The following FHOD3 variants were observed in gnomAD, a reference collection of about 807,000 sequenced individuals.
FHOD3 encodes the protein FH1/FH2 domain-containing protein 3.
Under a neutral mutation model 173.0 loss-of-function variants are expected in FHOD3, and 90 were observed. The observed-to-expected ratio is 0.52, with a 90% CI of 0.44 to 0.62. The LOEUF (loss-of-function observed/expected upper bound fraction) is 0.62. Ranked by LOEUF, FHOD3 falls within the 20% of genes least tolerant of loss-of-function variation. The probability of loss-of-function intolerance (pLI) is 0.00; values close to 1 mark genes in which losing one functional copy is unlikely to be tolerated. For synonymous variants in FHOD3, 828 were observed against 823.0 expected (o/e 1.01, Z -0.10); for missense variants, 1,945 against 2,034.7 (o/e 0.96, Z 0.85).
chr18:36,545,210 T>A (rs2147189917), intron 5 of FHOD3, among the ~76,000 whole-genome samples: 1 of 152,332 alleles, frequency 6.6e-6, no homozygotes, highest in African/African-American at 2.4e-5. Flanking sequence ...GGGCATACAG[T>A]GGTGAACAAG....
chr18:36,309,970 G>A (rs1266860850), intron 1 of FHOD3, among the ~76,000 whole-genome samples: 2 of 152,304 alleles, frequency 1.3e-5, no homozygotes, highest in Admixed American at 6.5e-5. Context: ...AAATCAGTTG[G>A]TTCATGACCA....
intron 3 of FHOD3, among the ~76,000 whole-genome samples, chr18:36,454,768 C>T (rs878913): frequency 2.0e-5 from 3 of 151,786 alleles, no homozygotes; most frequent in African/African-American, 7.3e-5. Flanking sequence ...GATCCTGGCT[C>T]TTCGGCATGG....
intron 5 of FHOD3, among the ~76,000 whole-genome samples, chr18:36,527,197 C>G (rs1246186326): frequency 6.6e-6 from 1 of 152,128 alleles, no homozygotes; most frequent in African/African-American, 2.4e-5. Flanking sequence ...TGTGCCTGGT[C>G]AACTCGTGGG....
At chr18:36,551,480 ATTAAT>A (rs1568416420) in intron 5 of FHOD3, among the ~76,000 whole-genome samples, 1 of 151,762 alleles carries the variant, frequency 6.6e-6, no homozygotes, top group Non-Finnish European at 1.5e-5. Context: ...TATTTAATTA[ATTAAT>A]TTAATTAATT....
At chr18:36,483,073 C>T (rs1430316013) in intron 3 of FHOD3, among the ~76,000 whole-genome samples, 1 of 152,180 alleles carries the variant, frequency 6.6e-6, no homozygotes, top group African/African-American at 2.4e-5. Flanking sequence ...CAAGGCTCCC[C>T]ATCCTGGCTC....
rs190537813 is a variant in FHOD3, at chr18:36,570,371, A to G, written c.512-6080A>G. 2.9e-3 allele frequency among the ~76,000 whole-genome samples: 435 copies of G among 152,224 alleles called. 2 individuals are homozygous for G. The highest frequency in any genetic ancestry group is 9.9e-3 in the African/African-American group (412 of 41,582). On this transcript the variant is annotated intron_variant, in intron 5 of 28. Transcript: ENST00000590592. ...ATGAAATGATAACCTGACTAGCCCC[A>G]TTACTGTAACTATTAAAGAAATTTA...
chr18:36,770,431 T>C (rs573680209), intron 28 of FHOD3, among the ~76,000 whole-genome samples: 1 of 152,254 alleles, frequency 6.6e-6, no homozygotes, highest in Non-Finnish European at 1.5e-5. Context: ...CCAGTGGTTC[T>C]GCTTGACCCA....
At chr18:36,605,772 A>C (rs117980326) in intron 8 of FHOD3, among the ~76,000 whole-genome samples, 3,219 of 152,342 alleles carry the variant, frequency 0.021, 95 homozygotes, top group Non-Finnish European at 0.024. Flanking sequence ...CAAACAAAAT[A>C]ACAAATTAAA....
In FHOD3 at chr18:36,523,130, C is replaced by T. The variant is rs148642776; in HGVS notation, c.511+10587C>T. Among the ~76,000 whole-genome samples, 342 of 114,518 alleles carry T rather than the reference C, an allele frequency of 3.0e-3. 1 individual carries two copies. The highest frequency in any genetic ancestry group is 4.2e-3 in the Non-Finnish European group (221 of 52,018). 75.1% of individuals were successfully genotyped at this position (114,518 alleles called of 152,430 possible). A position where few individuals can be genotyped will look rare whatever the true frequency, so the allele number is the denominator to read the frequency against. On this transcript the variant is annotated intron_variant, in intron 5 of 28. Transcript: ENST00000590592. ...GCCATCAGTGCTGTCTGGGCCCCAGCGTTCCTTGAAACAACTGCTGGGGCT... is the reference window on the plus strand; with the variant it reads ...GCCATCAGTGCTGTCTGGGCCCCAGTGTTCCTTGAAACAACTGCTGGGGCT...
intron 7 of FHOD3, among the ~76,000 whole-genome samples, chr18:36,596,507 C>T (rs147916949): frequency 2.0e-5 from 3 of 151,984 alleles, no homozygotes; most frequent in Non-Finnish European, 4.4e-5. Flanking sequence ...TTTAGCATTA[C>T]TCAGACCCAC....
intron 9 of FHOD3, among the ~76,000 whole-genome samples, chr18:36,622,155 G>A (rs554459206): frequency 1.8e-4 from 27 of 152,284 alleles, no homozygotes; most frequent in African/African-American, 6.5e-4. Context: ...CAGAGAGTAG[G>A]ATGGCCATTA....
chr18:36,308,911 A>G (rs956637753), intron 1 of FHOD3, among the ~76,000 whole-genome samples: 1 of 152,182 alleles, frequency 6.6e-6, no homozygotes, highest in Non-Finnish European at 1.5e-5. Context: ...TGATTTGTGG[A>G]TGTTATAACT....
chr18:36,648,485 C>T (rs2035835162), intron 10 of FHOD3, among the ~76,000 whole-genome samples: 1 of 152,160 alleles, frequency 6.6e-6, no homozygotes, highest in Non-Finnish European at 1.5e-5. Context: ...ATTGAAACCA[C>T]CCTAAGCAAC....
rs531923917 is a variant in FHOD3, at chr18:36,641,171, G to A, written c.1197-8145G>A. Among the ~76,000 whole-genome samples, 3 of 152,328 alleles carry A rather than the reference G, an allele frequency of 2.0e-5. No homozygotes were observed. The East Asian group carries it at 5.8e-4, about 29-fold the overall frequency. Reference sequence around the variant, plus strand: ...TTATTGGATGTCCCTTGGAGCCAGGGCTCTGGGCAGGGTCTCCTGGAGAAA... The same window carrying A: ...TTATTGGATGTCCCTTGGAGCCAGGACTCTGGGCAGGGTCTCCTGGAGAAA... On this transcript the variant is annotated intron_variant, in intron 10 of 28. Coordinates refer to ENST00000590592, the MANE Select transcript of FHOD3 (RefSeq NM_001281740.3).
At chr18:36,719,613 A>G (rs956063157) in intron 19 of FHOD3, among the ~76,000 whole-genome samples, 1 of 152,254 alleles carries the variant, frequency 6.6e-6, no homozygotes, top group Non-Finnish European at 1.5e-5. Flanking sequence ...ATAATTTAGA[A>G]TAAACATGCA....
intron 28 of FHOD3, among the ~76,000 whole-genome samples, chr18:36,773,131 C>T (rs1384142320): frequency 6.6e-6 from 1 of 152,168 alleles, no homozygotes; most frequent in Non-Finnish European, 1.5e-5. Context: ...GTGGAAGCCT[C>T]GGGGTTAGAG....
intron 3 of FHOD3, among the ~76,000 whole-genome samples, chr18:36,408,559 CAG>C (rs2049183542): frequency 1.3e-5 from 2 of 152,060 alleles, no homozygotes; most frequent in African/African-American, 4.8e-5. Flanking sequence ...TCTTGGCAAA[CAG>C]AGGTAGCTCC....
intron 3 of FHOD3, among the ~76,000 whole-genome samples, chr18:36,447,953 G>A (rs1599156377): frequency 6.6e-6 from 1 of 152,322 alleles, no homozygotes. Flanking sequence ...GAGACAGGAG[G>A]ACTGGGGAGA....
At chr18:36,681,065 A>C (rs994480155) in intron 14 of FHOD3, among the ~76,000 whole-genome samples, 1 of 152,164 alleles carries the variant, frequency 6.6e-6, no homozygotes, top group African/African-American at 2.4e-5. Flanking sequence ...ATAGTTTTAG[A>C]TTGAAAGCTG....
Sources: gnomAD v4.1 joint callset for allele counts (sites outside exome capture counted in the v4.1 genomes callset) on GRCh38, gnomAD v4.1.1 for gene constraint, MANE v1.5 for transcripts, NCBI Gene and HGNC (gene_info 2026-07-23, HGNC 2026-07-21) for gene names.